Variants in SDK1 observed in about 807,000 individuals in gnomAD.
SDK1 encodes the protein sidekick cell adhesion molecule 1, also known as protein sidekick-1.
SDK1 carries 157 observed loss-of-function variants against 245.5 expected under a neutral mutation model. That is an observed-to-expected ratio of 0.64 (90% confidence interval 0.56 to 0.73). The LOEUF is 0.73. Among genes scored for constraint, SDK1 ranks in the 30% least tolerant of loss-of-function variants. The pLI, the probability that SDK1 is intolerant of heterozygous loss-of-function variation, is 0.00. For missense variants in SDK1, 3,583 were observed against 3,002.3 expected, an observed-to-expected ratio of 1.19 and a Z score of -4.52; for synonymous variants, 1,647 against 1,278.5, an observed-to-expected ratio of 1.29 and a Z score of -6.15.
chr7:3,560,098 T>C (rs1225367085), intron 1 of SDK1, among the ~76,000 whole-genome samples: 3 of 152,250 alleles, frequency 2.0e-5, no homozygotes, highest in Non-Finnish European at 2.9e-5. Flanking sequence ...CCATACAAAA[T>C]TGAATTCTTC....
intron 1 of SDK1, among the ~76,000 whole-genome samples, chr7:3,416,410 G>A (rs182642915): frequency 3.6e-4 from 55 of 151,870 alleles, no homozygotes; most frequent in Admixed American, 9.2e-4. Flanking sequence ...TGGAAAGCTC[G>A]GGGCTTGACA....
intron 4 of SDK1, among the ~76,000 whole-genome samples, chr7:3,765,389 G>A (rs1323707434): frequency 6.6e-6 from 1 of 152,174 alleles, no homozygotes; most frequent in Admixed American, 6.5e-5. Flanking sequence ...AAAGGTGACT[G>A]TTATTCTCCA....
intron 4 of SDK1, among the ~76,000 whole-genome samples, chr7:3,814,725 T>C (rs940149850): frequency 2.0e-5 from 3 of 151,638 alleles, no homozygotes; most frequent in African/African-American, 7.3e-5. Context: ...TTTCACGATA[T>C]TGATTCTTCC....
chr7:3,623,245 C>CTTTTTT (rs1183056855), intron 2 of SDK1, among the ~76,000 whole-genome samples: 138 of 117,838 alleles, frequency 1.2e-3, no homozygotes, highest in Non-Finnish European at 1.4e-3. Flanking sequence ...TGTTGTATTT[C>CTTTTTT]TTTTTTTTTT....
At chr7:4,157,472 AGG>A (rs1289170932) in intron 30 of SDK1, among the ~76,000 whole-genome samples, 2 of 77,696 alleles carry the variant, frequency 2.6e-5, no homozygotes, top group African/African-American at 4.3e-5. Flanking sequence ...GAGAGAAGGA[AGG>A]AGGGAAGGAA....
chr7:4,067,721 G>T, intron 19 of SDK1, 117 bp from the exon 20 acceptor site: 1 of 672,148 alleles, frequency 1.5e-6, no homozygotes, highest in African/African-American at 1.8e-5. Context: ...GTCTCCTGCA[G>T]GGTTTTGCAG....
At chr7:3,877,700 C>T (rs1477222131) in intron 5 of SDK1, among the ~76,000 whole-genome samples, 1 of 152,128 alleles carries the variant, frequency 6.6e-6, no homozygotes, top group East Asian at 1.9e-4. Context: ...TCTTTTCAAA[C>T]TTTTTTTTCT....
intron 1 of SDK1, among the ~76,000 whole-genome samples, chr7:3,606,169 A>G (rs1781418263): frequency 6.6e-6 from 1 of 152,194 alleles, no homozygotes; most frequent in African/African-American, 2.4e-5. Flanking sequence ...TCGGGAAATG[A>G]CAACTACATC....
chr7:4,182,029 C>G (rs1269058260), intron 35 of SDK1, among the ~76,000 whole-genome samples: 2 of 152,200 alleles, frequency 1.3e-5, no homozygotes, highest in African/African-American at 4.8e-5. Context: ...AAGCAATTCT[C>G]CTGCCTCAGC....
intron 4 of SDK1, among the ~76,000 whole-genome samples, chr7:3,710,923 C>T (rs10248557): frequency 0.11 from 17,314 of 152,170 alleles, 1,402 homozygotes; most frequent in African/African-American, 0.22. Context: ...GGCAGTAATA[C>T]AAAGATTTTT....
chr7:3,308,517 C>G (rs985460902), intron 1 of SDK1, among the ~76,000 whole-genome samples: 1 of 151,732 alleles, frequency 6.6e-6, no homozygotes, highest in Non-Finnish European at 1.5e-5. Context: ...AAGATAACAG[C>G]TATCAATTAA....
rs542998020 is a variant in SDK1, at chr7:4,205,942, C to G, written c.5162C>G (p.Thr1721Arg). Residue 1721 changes from threonine (T) to arginine (R), a missense_variant, in exon 36 of 45, where the codon ACG (threonine) becomes AGG (arginine). Coordinates refer to ENST00000404826, the MANE Select transcript of SDK1 (RefSeq NM_152744.4). Reference protein sequence around the residue: ...TPLTASQLEVTWDPPPPESQN... With the variant: ...TPLTASQLEVRWDPPPPESQN... ...CTCACGGCCAGCCAGCTGGAGGTCA[C>G]GTGGGACCCACCACCCCCGGAGAGC... The G allele has an allele frequency of 1.3e-6, 2 of 1,564,766 alleles. No individual in the cohort carries two copies. The highest frequency in any genetic ancestry group is 1.9e-5 in the Admixed American group (1 of 53,560).
At chr7:3,905,684 G>A (rs1291308264) in intron 5 of SDK1, among the ~76,000 whole-genome samples, 4 of 151,760 alleles carry the variant, frequency 2.6e-5, no homozygotes, top group South Asian at 4.2e-4. Flanking sequence ...GGAGTGCAGT[G>A]GCACAATCAC....
At chr7:3,887,421 G>C (rs1186068760) in intron 5 of SDK1, among the ~76,000 whole-genome samples, 1 of 152,222 alleles carries the variant, frequency 6.6e-6, no homozygotes, top group African/African-American at 2.4e-5. Context: ...AGTGAACATG[G>C]AAAGCATGTT....
At chr7:3,926,420 C>T (rs891353601) in intron 5 of SDK1, among the ~76,000 whole-genome samples, 5 of 152,284 alleles carry the variant, frequency 3.3e-5, no homozygotes, top group Middle Eastern at 3.4e-3. Context: ...GTCTTTTCTC[C>T]AGTTTTCTCT....
chr7:4,158,687 G>T, intron 31 of SDK1, 136 bp downstream of exon 31: 1 of 631,382 alleles, frequency 1.6e-6, no homozygotes, highest in Non-Finnish European at 2.8e-6. Context: ...ATTAGTGACA[G>T]ACAGCTCGGA....
intron 16 of SDK1, among the ~76,000 whole-genome samples, chr7:4,016,316 G>A (rs1007813499): frequency 4.6e-4 from 70 of 152,230 alleles, no homozygotes; most frequent in Non-Finnish European, 2.8e-4. Flanking sequence ...GAAGCTGCAG[G>A]ATGACAGGGC....
intron 5 of SDK1, among the ~76,000 whole-genome samples, chr7:3,907,328 A>T (rs1167683313): frequency 1.3e-5 from 2 of 152,098 alleles, no homozygotes; most frequent in Non-Finnish European, 2.9e-5. Context: ...TTTTCTGCCT[A>T]GTGTCTCTGT....
At chr7:3,324,523 T>G (rs1249028330) in intron 1 of SDK1, among the ~76,000 whole-genome samples, 2 of 152,138 alleles carry the variant, frequency 1.3e-5, no homozygotes, top group Non-Finnish European at 2.9e-5. Context: ...TGGAAGTTTG[T>G]TTGCTCCTGA....
Sources: allele counts gnomAD v4.1 joint callset (sites outside exome capture counted in the v4.1 genomes callset), GRCh38; gene constraint gnomAD v4.1.1; transcripts MANE v1.5; gene names NCBI Gene and HGNC (gene_info 2026-07-23, HGNC 2026-07-21).